The following SNX13 variants were observed in gnomAD, a reference collection of about 807,000 sequenced individuals.
The protein encoded by SNX13 is sorting nexin-13.
Under a neutral mutation model 133.6 loss-of-function variants are expected in SNX13, and 45 were observed. That is an observed-to-expected ratio of 0.34 (90% confidence interval 0.27 to 0.43). SNX13 has a LOEUF of 0.43. Among genes scored for constraint, SNX13 ranks in the 20% least tolerant of loss-of-function variants. The pLI is 1.00. For synonymous variants in SNX13, 414 were observed against 373.9 expected, an observed-to-expected ratio of 1.11 and a Z score of -1.24; for missense variants, 1,032 against 1,145.1, an observed-to-expected ratio of 0.90 and a Z score of 1.43.
chr7:17,890,123 T>A (rs547678097), intron 5 of SNX13: 1 of 317,680 alleles, frequency 3.1e-6, no homozygotes, highest in African/African-American at 2.1e-5. Flanking sequence ...AAGAAAAAAC[T>A]ACCAAACAGA....
Position 17,791,813 on chromosome 7 carries a change from C to T in SNX13, c.*2232G>A, listed in dbSNP as rs1023160212. The T allele has an allele frequency of 5.3e-5, 8 of 152,166 alleles. No homozygotes were observed. Among genetic ancestry groups the T allele is most frequent in the African/African-American group, 1.7e-4 (7 of 41,556 alleles). 9.4% of individuals were successfully genotyped at this position (152,166 alleles called of 1,614,324 possible). A position where few individuals can be genotyped will look rare whatever the true frequency, so the allele number is the denominator to read the frequency against. On this transcript the variant is annotated 3_prime_UTR_variant, in exon 26 of 26. Coordinates refer to ENST00000428135, the MANE Select transcript of SNX13 (RefSeq NM_015132.5). ...TTCAAAAAGTTATCTCTAATTTTAG[C>T]ATGACCACAGCTCTTTCTGATGTAA...
intron 15 of SNX13, chr7:17,832,260 C>T (rs1788584057): frequency 1.1e-5 from 11 of 984,450 alleles, no homozygotes; most frequent in Non-Finnish European, 1.3e-5. Flanking sequence ...TAGTTTGCTT[C>T]CAATAGCTGT....
chr7:17,940,258 A>G, intron 1 of SNX13, 26 bp downstream of exon 1: 1 of 1,556,258 alleles, frequency 6.4e-7, no homozygotes, highest in Non-Finnish European at 8.7e-7. Flanking sequence ...TTTCACAGGT[A>G]AACACTGGCC....
chr7:17,811,603 C>T (rs917262391), intron 20 of SNX13, among the ~76,000 whole-genome samples: 3 of 152,154 alleles, frequency 2.0e-5, no homozygotes, highest in African/African-American at 7.2e-5. Flanking sequence ...ACGATATCCC[C>T]ATCAAGCTAC....
chr7:17,857,838 G>T (rs1421525107), intron 9 of SNX13, among the ~76,000 whole-genome samples: 1 of 152,082 alleles, frequency 6.6e-6, no homozygotes, highest in Admixed American at 6.6e-5. Context: ...ATGATTAAGT[G>T]GGTGGGATTC....
chr7:17,801,256 G>C (rs185286621), intron 22 of SNX13, among the ~76,000 whole-genome samples: 1 of 151,368 alleles, frequency 6.6e-6, no homozygotes, highest in Non-Finnish European at 1.5e-5. Context: ...ACAATGTTGA[G>C]CAAAAAAAAG....
intron 1 of SNX13, among the ~76,000 whole-genome samples, chr7:17,906,614 T>C (rs998556036): frequency 5.3e-5 from 8 of 152,096 alleles, no homozygotes; most frequent in African/African-American, 1.4e-4. Context: ...AAAAGGTGGT[T>C]AGAGCAAGAA....
chr7:17,821,481 A>T, intron 18 of SNX13, 28 bp downstream of exon 18: 1 of 1,565,630 alleles, frequency 6.4e-7, no homozygotes. Context: ...AACAACATAA[A>T]GTACACAAGT....
At chr7:17,822,556 C>T (rs1196652316) in intron 17 of SNX13, among the ~76,000 whole-genome samples, 1 of 152,136 alleles carries the variant, frequency 6.6e-6, no homozygotes, top group Non-Finnish European at 1.5e-5. Flanking sequence ...ATATTTTTAA[C>T]ATACTTACGG....
At chr7:17,850,231 C>T (rs1791048690) in intron 11 of SNX13, 116 bp downstream of exon 11, 1 of 453,196 alleles carries the variant, frequency 2.2e-6, no homozygotes, top group Non-Finnish European at 3.7e-6. Context: ...TTTTTAAAGT[C>T]CTCTTGTAAA....
chr7:17,805,418 G>C (rs1445109379), intron 20 of SNX13, among the ~76,000 whole-genome samples: 2 of 152,050 alleles, frequency 1.3e-5, no homozygotes, highest in Non-Finnish European at 2.9e-5. Context: ...TGAGAATATA[G>C]CGTAGAATTC....
intron 5 of SNX13, among the ~76,000 whole-genome samples, chr7:17,883,747 T>C (rs1795644408): frequency 1.3e-5 from 2 of 151,958 alleles, no homozygotes; most frequent in Non-Finnish European, 2.9e-5. Context: ...GTGTGTGATG[T>C]TCCCCTCCCT....
intron 14 of SNX13, 124 bp from the exon 15 acceptor site, chr7:17,834,308 G>T: frequency 1.3e-6 from 1 of 793,264 alleles, no homozygotes; most frequent in Non-Finnish European, 1.8e-6. Context: ...CAAGCTGTCA[G>T]CAATAAGACT....
At chr7:17,805,419 C>T (rs1244904213) in intron 20 of SNX13, among the ~76,000 whole-genome samples, 5 of 151,924 alleles carry the variant, frequency 3.3e-5, no homozygotes, top group African/African-American at 7.3e-5. Context: ...GAGAATATAG[C>T]GTAGAATTCT....
At chr7:17,834,627 T>G in intron 14 of SNX13, 134 bp downstream of exon 14, 1 of 492,254 alleles carries the variant, frequency 2.0e-6, no homozygotes, top group Non-Finnish European at 3.5e-6. Context: ...TTTCTGGAAT[T>G]GAGAAGTATA....
chr7:17,893,991 GTGACA>G (rs1182198623), intron 2 of SNX13, among the ~76,000 whole-genome samples: 7 of 145,598 alleles, frequency 4.8e-5, no homozygotes, highest in African/African-American at 1.8e-4. Context: ...AAAAACTTAA[GTGACA>G]TTTTTCAAAC....
chr7:17,855,203 A>T (rs1333889459), intron 9 of SNX13, among the ~76,000 whole-genome samples: 1 of 152,182 alleles, frequency 6.6e-6, no homozygotes, highest in East Asian at 1.9e-4. Flanking sequence ...AGGAAACTGC[A>T]GAAGAAGAGT....
chr7:17,928,290 T>G (rs1457056294), intron 1 of SNX13, among the ~76,000 whole-genome samples: 1 of 152,048 alleles, frequency 6.6e-6, no homozygotes, highest in Non-Finnish European at 1.5e-5. Flanking sequence ...GGCCCAGGAG[T>G]TTGATTCCAG....
At chr7:17,854,837 C>T (rs1199762514) in intron 9 of SNX13, among the ~76,000 whole-genome samples, 4 of 152,222 alleles carry the variant, frequency 2.6e-5, no homozygotes, top group South Asian at 2.1e-4. Flanking sequence ...AACTCTTAAG[C>T]GTTCAAGCAA....
Sources: gnomAD v4.1 joint callset for allele counts (sites outside exome capture counted in the v4.1 genomes callset) on GRCh38, gnomAD v4.1.1 for gene constraint, MANE v1.5 for transcripts, NCBI Gene and HGNC (gene_info 2026-07-23, HGNC 2026-07-21) for gene names.